The following ATXN1 variants were observed in gnomAD, a reference collection of about 807,000 sequenced individuals.
ATXN1 encodes the protein ataxin 1.
Under a neutral mutation model 56.4 loss-of-function variants are expected in ATXN1, and 8 were observed. That is an observed-to-expected ratio of 0.14 (90% CI 0.08 to 0.26). The LOEUF is 0.26. Among genes scored for constraint, ATXN1 ranks in the 10% least tolerant of loss-of-function variants. ATXN1 has a pLI of 1.00. For missense variants in ATXN1, 987 were observed against 1,106.5 expected (o/e 0.89, Z 1.53); for synonymous variants, 514 against 494.6 (o/e 1.04, Z -0.52).
chr6:16,667,179 A>G (rs1163213383), intron 2 of ATXN1: 2 of 152,252 alleles, frequency 1.3e-5, no homozygotes, highest in Non-Finnish European at 2.9e-5. Context: ...AAGGAGCTAC[A>G]TAATGTACCC....
chr6:16,665,416 A>G (rs1758404202), intron 2 of ATXN1, among the ~76,000 whole-genome samples: 3 of 152,184 alleles, frequency 2.0e-5, no homozygotes, highest in African/African-American at 7.2e-5. Flanking sequence ...ATCATCACAC[A>G]TCATATAGCC....
chr6:16,536,189 C>T (rs572508554), intron 4 of ATXN1, among the ~76,000 whole-genome samples: 3 of 152,170 alleles, frequency 2.0e-5, no homozygotes, highest in African/African-American at 7.2e-5. Flanking sequence ...TGCACTCCAA[C>T]CTGGGCGACA....
intron 4 of ATXN1, among the ~76,000 whole-genome samples, chr6:16,525,309 GTATA>G (rs541975342): frequency 7.2e-5 from 11 of 152,232 alleles, no homozygotes; most frequent in African/African-American, 2.6e-4. Flanking sequence ...AGAAAGTATA[GTATA>G]TACACACAAT....
chr6:16,423,924 A>G (rs1430383754), intron 6 of ATXN1, among the ~76,000 whole-genome samples: 1 of 152,178 alleles, frequency 6.6e-6, no homozygotes, highest in Non-Finnish European at 1.5e-5. Context: ...AAACTTATGG[A>G]TTGGACTAGC....
At chr6:16,638,898 G>A (rs1010747318) in intron 3 of ATXN1, among the ~76,000 whole-genome samples, 5 of 152,100 alleles carry the variant, frequency 3.3e-5, no homozygotes, top group South Asian at 4.1e-4. Flanking sequence ...GCAGCTAGTC[G>A]GTGGCTATAA....
intron 5 of ATXN1, among the ~76,000 whole-genome samples, chr6:16,501,154 C>T (rs763029825): frequency 1.9e-4 from 29 of 152,210 alleles, no homozygotes; most frequent in Non-Finnish European, 3.8e-4. Context: ...CACAATCACA[C>T]ACAAGGCTTG....
chr6:16,511,369 T>C (rs1166229029), intron 5 of ATXN1, among the ~76,000 whole-genome samples: 1 of 152,230 alleles, frequency 6.6e-6, no homozygotes, highest in Non-Finnish European at 1.5e-5. Context: ...TTCCTTTCCC[T>C]TTATAAATGT....
At chr6:16,584,190 A>G (rs1762575942) in intron 4 of ATXN1, among the ~76,000 whole-genome samples, 1 of 143,258 alleles carries the variant, frequency 7.0e-6, no homozygotes, top group African/African-American at 2.5e-5. Context: ...TGGCACTAAC[A>G]TAGTTATATT....
chr6:16,527,786 G>A (rs1717112737), intron 4 of ATXN1, among the ~76,000 whole-genome samples: 1 of 152,184 alleles, frequency 6.6e-6, no homozygotes, highest in South Asian at 2.1e-4. Context: ...TTCACTCTAG[G>A]CATTTGCAAT....
intron 5 of ATXN1, among the ~76,000 whole-genome samples, chr6:16,509,244 T>C (rs1761035273): frequency 6.6e-6 from 1 of 152,198 alleles, no homozygotes; most frequent in African/African-American, 2.4e-5. Flanking sequence ...CTGATGCCAC[T>C]GCCACCATTC....
rs190975386 is a variant in ATXN1 at position 16,672,144 on chromosome 6, T to C, written c.-614-14243A>G. Among the ~76,000 whole-genome samples the C allele has an allele frequency of 3.4e-3, 524 of 152,310 alleles. 6 individuals carry two copies. Among genetic ancestry groups the C allele is most frequent in the African/African-American group, 0.012 (509 of 41,558 alleles). ...AGGACTAAGTTGTATATTCAAGTCCTAGGGCCTCTGGTCTAGAGTTTCCTC... is the reference window on the plus strand; with the variant it reads ...AGGACTAAGTTGTATATTCAAGTCCCAGGGCCTCTGGTCTAGAGTTTCCTC... On this transcript the variant is annotated intron_variant, in intron 2 of 7. Coordinates refer to ENST00000436367, the MANE Select transcript of ATXN1 (RefSeq NM_001128164.2).
At chr6:16,564,701 G>A (rs1031401290) in intron 4 of ATXN1, among the ~76,000 whole-genome samples, 2 of 152,198 alleles carry the variant, frequency 1.3e-5, no homozygotes, top group Admixed American at 6.5e-5. Context: ...CAGGAGCTGA[G>A]GGTAGAGGAT....
At chr6:16,453,532 T>C (rs1165618575) in intron 6 of ATXN1, among the ~76,000 whole-genome samples, 1 of 152,192 alleles carries the variant, frequency 6.6e-6, no homozygotes. Flanking sequence ...ATTACATCAG[T>C]GTAAGGTAAT....
chr6:16,531,241 G>T (rs773597473), intron 4 of ATXN1, among the ~76,000 whole-genome samples: 2 of 152,220 alleles, frequency 1.3e-5, no homozygotes, highest in Non-Finnish European at 2.9e-5. Flanking sequence ...TCTCACCACA[G>T]CTAAAGATCA....
At chr6:16,629,058 A>G (rs1252108950) in intron 3 of ATXN1, among the ~76,000 whole-genome samples, 1 of 152,130 alleles carries the variant, frequency 6.6e-6, no homozygotes, top group Non-Finnish European at 1.5e-5. Flanking sequence ...TGCCTTCCAC[A>G]ATGGCTGAAC....
chr6:16,451,025 T>C (rs1759742454), intron 6 of ATXN1, among the ~76,000 whole-genome samples: 1 of 152,224 alleles, frequency 6.6e-6, no homozygotes, highest in South Asian at 2.1e-4. Context: ...TCCTTGAGAA[T>C]TACTAATCAT....
chr6:16,421,038 C>T (rs965584966), intron 6 of ATXN1, among the ~76,000 whole-genome samples: 1 of 152,214 alleles, frequency 6.6e-6, no homozygotes, highest in African/African-American at 2.4e-5. Flanking sequence ...TGGGTACTGG[C>T]ACTCGCCTTT....
intron 3 of ATXN1, among the ~76,000 whole-genome samples, chr6:16,629,112 C>T (rs528118266): frequency 2.4e-4 from 36 of 152,242 alleles, no homozygotes; most frequent in African/African-American, 7.7e-4. Flanking sequence ...TCCCTTTCTC[C>T]GCAACCTCAT....
intron 4 of ATXN1, among the ~76,000 whole-genome samples, chr6:16,569,107 G>A (rs942609768): frequency 3.9e-5 from 6 of 152,150 alleles, no homozygotes; most frequent in East Asian, 3.8e-4. Flanking sequence ...GGTTTCTAGC[G>A]GCAGTATCTA....
Sources: allele counts gnomAD v4.1 joint callset (sites outside exome capture counted in the v4.1 genomes callset), GRCh38; gene constraint gnomAD v4.1.1; transcripts MANE v1.5; gene names NCBI Gene and HGNC (gene_info 2026-07-23, HGNC 2026-07-21).